The following SSBP3 variants were observed in gnomAD, a reference collection of about 807,000 sequenced individuals.
SSBP3 encodes single-stranded DNA-binding protein 3.
SSBP3 carries 5 observed loss-of-function variants against 69.6 expected under a neutral mutation model. The ratio of observed to expected loss-of-function variants is 0.07; its 90% CI spans 0.04 to 0.15. SSBP3 has a LOEUF of 0.15. Ranked by LOEUF, SSBP3 falls within the 10% of genes least tolerant of loss-of-function variation. The pLI is 1.00. For synonymous variants in SSBP3, 196 were observed against 193.4 expected (o/e 1.01, Z -0.11); for missense variants, 312 against 534.0 (o/e 0.58, Z 4.10).
At chr1:54,347,851 C>A (rs894360695) in intron 4 of SSBP3, among the ~76,000 whole-genome samples, 1 of 152,192 alleles carries the variant, frequency 6.6e-6, no homozygotes, top group Non-Finnish European at 1.5e-5. Context: ...CCTGCGGGCA[C>A]CTTCCTCGTG....
chr1:54,401,984 T>C, intron 3 of SSBP3, 39 bp from the exon 4 acceptor site: 3 of 1,582,092 alleles, frequency 1.9e-6, no homozygotes, highest in Non-Finnish European at 2.6e-6. Flanking sequence ...GGTTACTAAT[T>C]ATTACTTGTG....
intron 4 of SSBP3, among the ~76,000 whole-genome samples, chr1:54,388,311 T>A (rs1055358663): frequency 1.3e-5 from 2 of 152,216 alleles, no homozygotes; most frequent in Non-Finnish European, 2.9e-5. Context: ...ATCTAATGAC[T>A]TCATAACAAC....
chr1:54,280,603 G>GA (rs1491114077), intron 5 of SSBP3, among the ~76,000 whole-genome samples: 2 of 152,160 alleles, frequency 1.3e-5, no homozygotes, highest in Non-Finnish European at 1.5e-5. Flanking sequence ...TGTTATGATC[G>GA]AGAGTGTCAT....
At position 54,264,706 on chromosome 1, in the gene SSBP3, T is replaced by G. The variant is rs563296880; in HGVS notation, c.367-6557A>C. 3.3e-5 allele frequency among the ~76,000 whole-genome samples: 5 copies of G among 152,340 alleles called. No homozygotes were observed. In the South Asian group the frequency reaches 8.3e-4, roughly 25 times the overall value. ...TCACGAAAGCTGTGAGAGTTCTCTGTAAACTGCTGACAGCTACCCAGACAG... is the reference window on the plus strand; with the variant it reads ...TCACGAAAGCTGTGAGAGTTCTCTGGAAACTGCTGACAGCTACCCAGACAG... On this transcript the variant is annotated intron_variant, in intron 5 of 17. Transcript: ENST00000610401.
At chr1:54,253,488 G>A (rs1252181641) in intron 7 of SSBP3, among the ~76,000 whole-genome samples, 1 of 152,096 alleles carries the variant, frequency 6.6e-6, no homozygotes, top group Non-Finnish European at 1.5e-5. Context: ...CTCCGCACCT[G>A]GCCTACAAAG....
intron 4 of SSBP3, among the ~76,000 whole-genome samples, chr1:54,360,365 C>T (rs1646931260): frequency 6.6e-6 from 1 of 152,210 alleles, no homozygotes; most frequent in Non-Finnish European, 1.5e-5. Flanking sequence ...CTAATACTGG[C>T]ACACGATAGG....
chr1:54,383,313 G>A (rs1315151119), intron 4 of SSBP3, among the ~76,000 whole-genome samples: 3 of 152,040 alleles, frequency 2.0e-5, no homozygotes, highest in Admixed American at 6.5e-5. Flanking sequence ...GGCAGGCGGA[G>A]GTTGTAGTGA....
Position 54,305,027 on chromosome 1 carries a change from C to T in SSBP3, c.277-23500G>A, listed in dbSNP as rs543554671. ...CCAGCATGGCTGAGGCTGTCCTCCACGCCAGCTGAGATTTACCATAACCAG... is the reference window on the plus strand; with the variant it reads ...CCAGCATGGCTGAGGCTGTCCTCCATGCCAGCTGAGATTTACCATAACCAG... On this transcript the variant is annotated intron_variant, in intron 4 of 17. Coordinates refer to ENST00000610401, the Ensembl canonical transcript of SSBP3. 1.5e-4 allele frequency among the ~76,000 whole-genome samples: 23 copies of T among 152,304 alleles called. No homozygotes were observed. The South Asian group carries it at 2.9e-3, about 19-fold the overall frequency.
At chr1:54,261,184 G>A (rs958799994) in intron 5 of SSBP3, among the ~76,000 whole-genome samples, 4 of 152,194 alleles carry the variant, frequency 2.6e-5, no homozygotes, top group South Asian at 2.1e-4. Context: ...GCAGTCTCAC[G>A]GGCAGAGATC....
chr1:54,239,178 T>A, exon 14 of SSBP3: 1 of 1,613,202 alleles, frequency 6.2e-7, no homozygotes, highest in Non-Finnish European at 8.5e-7. Context: ...TGTGTAGATG[T>A]TGTCACTGGA....
intron 4 of SSBP3, among the ~76,000 whole-genome samples, chr1:54,351,078 C>T (rs1173935203): frequency 6.6e-6 from 1 of 152,126 alleles, no homozygotes; most frequent in Non-Finnish European, 1.5e-5. Context: ...CTGCCCACCT[C>T]GGCCTCCCAA....
At chr1:54,228,504 G>A (rs775769205) in intron 15 of SSBP3, 27 bp from the exon 16 acceptor site, 1 of 1,614,098 alleles carries the variant, frequency 6.2e-7, no homozygotes, top group East Asian at 2.2e-5. Context: ...ATCCAATTCA[G>A]TTTCTTGCTT....
At chr1:54,411,107 G>C (rs886568892), upstream of SSBP3, among the ~76,000 whole-genome samples, 1 of 152,202 alleles carries the variant, frequency 6.6e-6, no homozygotes, top group Non-Finnish European at 1.5e-5. Context: ...GTATAGAATC[G>C]GTTAGTTCAA....
intron 4 of SSBP3, among the ~76,000 whole-genome samples, chr1:54,387,199 G>A (rs1470627500): frequency 3.3e-5 from 5 of 152,190 alleles, no homozygotes; most frequent in Non-Finnish European, 5.9e-5. Flanking sequence ...TCCCTGGATC[G>A]TTTACTATTG....
At chr1:54,405,153 C>T (rs1649628464) in intron 1 of SSBP3, among the ~76,000 whole-genome samples, 1 of 152,202 alleles carries the variant, frequency 6.6e-6, no homozygotes, top group African/African-American at 2.4e-5. Flanking sequence ...GGATGGAGAG[C>T]AGCCCCCAAA....
chr1:54,267,878 G>A (rs1422961532), intron 5 of SSBP3, among the ~76,000 whole-genome samples: 1 of 152,068 alleles, frequency 6.6e-6, no homozygotes, highest in Non-Finnish European at 1.5e-5. Flanking sequence ...TCACATCCCA[G>A]CCCTGCACAG....
chr1:54,231,809 G>A (rs779423808), intron 14 of SSBP3, among the ~76,000 whole-genome samples: 3 of 152,036 alleles, frequency 2.0e-5, no homozygotes, highest in African/African-American at 4.8e-5. Context: ...ATTCTCATGC[G>A]TCAGCCTCCC....
intron 1 of SSBP3, chr1:54,412,932 C>G (rs1650029652): frequency 6.6e-6 from 1 of 152,120 alleles, no homozygotes; most frequent in South Asian, 2.1e-4. Context: ...CCAGGCTGGT[C>G]TCAAAACTCC....
chr1:54,304,208 G>A (rs1264789079), intron 4 of SSBP3, among the ~76,000 whole-genome samples: 5 of 152,200 alleles, frequency 3.3e-5, no homozygotes, highest in Admixed American at 3.3e-4. Flanking sequence ...CACAGGATGA[G>A]GACAGCAGGG....
Sources: gnomAD v4.1 joint callset for allele counts (sites outside exome capture counted in the v4.1 genomes callset) on GRCh38, gnomAD v4.1.1 for gene constraint, MANE v1.5 for transcripts, NCBI Gene and HGNC (gene_info 2026-07-23, HGNC 2026-07-21) for gene names.